SLC8A3: variants seen among roughly 807,000 people sequenced by gnomAD.
SLC8A3 encodes the protein sodium/calcium exchanger 3.
A neutral mutation model predicts 65.4 loss-of-function variants in SLC8A3; 37 were observed. The ratio of observed to expected loss-of-function variants is 0.57; its 90% confidence interval spans 0.44 to 0.74. The LOEUF is 0.74. SLC8A3 is among the 30% of genes least tolerant of loss of function. SLC8A3 has a pLI of 0.00. For synonymous variants in SLC8A3, 461 were observed against 444.5 expected, an observed-to-expected ratio of 1.04 and a Z score of -0.47; for missense variants, 1,112 against 1,172.1, an observed-to-expected ratio of 0.95 and a Z score of 0.75.
rs200374440 is a variant in SLC8A3, at chr14:70,132,965, G to C, written c.1784+33674C>G. ...TTGGCTTCTCTGCTTATCACTAACT[G>C]TTGTCTTCTGATTCTAATTTACTGC... On this transcript the variant is annotated intron_variant, in intron 2 of 6. Coordinates refer to ENST00000356921, the MANE Select transcript of SLC8A3 (RefSeq NM_182932.3). 3.8e-4 allele frequency among the ~76,000 whole-genome samples: 58 copies of C among 152,156 alleles called. No homozygotes were observed. The East Asian group carries it at 5.8e-3, about 15-fold the overall frequency.
rs144548440 is a variant in SLC8A3 at position 70,170,549 on chromosome 14, A to G, written c.-62-2065T>C. Among the ~76,000 whole-genome samples the G allele has an allele frequency of 1.9e-3, 293 of 152,358 alleles. 3 individuals carry two copies. The highest frequency in any genetic ancestry group is 6.5e-3 in the African/African-American group (272 of 41,576). ...TTGGAATGAATAAATGTAGTCACCA[A>G]TGAAGCTTCCTTGGATGACAGCCTT... On this transcript the variant is annotated intron_variant, in intron 1 of 6. Transcript: ENST00000356921.
intron 2 of SLC8A3, among the ~76,000 whole-genome samples, chr14:70,100,909 T>C (rs960354130): frequency 1.3e-4 from 20 of 152,234 alleles, no homozygotes; most frequent in African/African-American, 4.3e-4. Context: ...TCTGATAATA[T>C]TCACAATCTT....
chr14:70,142,381 G>A (rs2140275008), intron 2 of SLC8A3, among the ~76,000 whole-genome samples: 2 of 152,284 alleles, frequency 1.3e-5, no homozygotes, highest in South Asian at 4.1e-4. Flanking sequence ...AACCACTATT[G>A]AAATAGTCAT....
At chr14:70,158,571 C>T (rs1896711200) in intron 2 of SLC8A3, among the ~76,000 whole-genome samples, 1 of 150,732 alleles carries the variant, frequency 6.6e-6, no homozygotes, top group Non-Finnish European at 1.5e-5. Context: ...ATACACTCCA[C>T]AAATAACTGC....
At chr14:70,049,074 G>A in intron 5 of SLC8A3, 32 bp from the exon 6 acceptor site, 1 of 1,573,414 alleles carries the variant, frequency 6.4e-7, no homozygotes, top group South Asian at 1.2e-5. Context: ...AAGAGAACGG[G>A]TAACGAAGTC....
At chr14:70,177,874 G>C (rs1265506971) in intron 1 of SLC8A3, among the ~76,000 whole-genome samples, 1 of 152,218 alleles carries the variant, frequency 6.6e-6, no homozygotes, top group East Asian at 1.9e-4. Context: ...ATAGGTGAAT[G>C]AAAGCGGGGC....
At chr14:70,049,132 C>T in intron 5 of SLC8A3, 90 bp from the exon 6 acceptor site, 1 of 1,294,818 alleles carries the variant, frequency 7.7e-7, no homozygotes, top group Non-Finnish European at 1.1e-6. Flanking sequence ...CCACAGGCAT[C>T]ATCCGCTAGA....
intron 2 of SLC8A3, among the ~76,000 whole-genome samples, chr14:70,068,103 T>A (rs1889644768): frequency 6.6e-6 from 1 of 152,228 alleles, no homozygotes; most frequent in South Asian, 2.1e-4. Context: ...AATACATGTC[T>A]GGGCTGCCTG....
At chr14:70,099,045 C>A (rs766553395) in intron 2 of SLC8A3, among the ~76,000 whole-genome samples, 26 of 152,130 alleles carry the variant, frequency 1.7e-4, no homozygotes, top group Non-Finnish European at 3.7e-4. Flanking sequence ...TCAATGATCC[C>A]CAGTTTCATC....
intron 1 of SLC8A3, among the ~76,000 whole-genome samples, chr14:70,184,174 C>T (rs1468173783): frequency 2.0e-5 from 3 of 152,160 alleles, no homozygotes; most frequent in Admixed American, 6.5e-5. Flanking sequence ...AAGAAACCCC[C>T]GCCCTCACCT....
rs1425193863 is a variant in SLC8A3, at chr14:70,044,928, T to A, written c.*1019A>T. 6.6e-6 allele frequency: 1 copy of A among 152,248 alleles called. No homozygotes were observed. Among genetic ancestry groups the A allele is most frequent in the Non-Finnish European group, 1.5e-5 (1 of 68,048 alleles). 9.4% of individuals were successfully genotyped at this position (152,248 alleles called of 1,614,324 possible). On this transcript the variant is annotated 3_prime_UTR_variant, in exon 7 of 7. Coordinates refer to ENST00000356921, the MANE Select transcript of SLC8A3 (RefSeq NM_182932.3). ...CACTGGTTGGACATCTCTTCTCTCC[T>A]GCCTCAGGTACAAAGCCAAAGATAA... is the stretch of plus-strand genomic sequence containing the variant.
At position 70,152,120 on chromosome 14, in the gene SLC8A3, C is replaced by T. The variant is rs190104239; in HGVS notation, c.1784+14519G>A. Among the ~76,000 whole-genome samples the T allele has an allele frequency of 3.1e-3, 479 of 152,202 alleles. 2 individuals carry two copies. Among genetic ancestry groups the T allele is most frequent in the Non-Finnish European group, 4.1e-3 (279 of 68,016 alleles). ...ATTTGGGTTCCTCAAAAGGAGGACT[C>T]GAGTAAACCTGGGCTACTGGTTTCC... On this transcript the variant is annotated intron_variant, in intron 2 of 6. Transcript: ENST00000356921.
rs1424577655 is a variant in SLC8A3, at chr14:70,119,279, AC to A, written c.1784+47359del. On this transcript the variant is annotated intron_variant, in intron 2 of 6. Coordinates refer to ENST00000356921, the MANE Select transcript of SLC8A3 (RefSeq NM_182932.3). ...GTCAATCTGAGGCCTTGGTGGGAAA[AC>A]ACTCTCTTTTTACTATATGTTGATT... is the stretch of plus-strand genomic sequence containing the variant. 5.3e-5 allele frequency among the ~76,000 whole-genome samples: 8 copies of A among 152,260 alleles called. No homozygotes were observed. In the East Asian group the frequency reaches 1.2e-3, roughly 22 times the overall value.
intron 2 of SLC8A3, among the ~76,000 whole-genome samples, chr14:70,082,498 T>C (rs1891121095): frequency 6.6e-6 from 1 of 152,220 alleles, no homozygotes; most frequent in Non-Finnish European, 1.5e-5. Context: ...ATTTATTATG[T>C]AAGCCCTGCA....
intron 2 of SLC8A3, among the ~76,000 whole-genome samples, chr14:70,148,080 T>C (rs868302474): frequency 2.6e-5 from 4 of 152,308 alleles, no homozygotes; most frequent in South Asian, 4.1e-4. Flanking sequence ...AGAAAACCAT[T>C]CTATTTTTCA....
intron 2 of SLC8A3, among the ~76,000 whole-genome samples, chr14:70,074,963 T>C (rs1890347258): frequency 1.3e-5 from 2 of 152,084 alleles, no homozygotes; most frequent in Admixed American, 6.5e-5. Flanking sequence ...AGAGTCGAGT[T>C]TGAGTTCCGC....
intron 2 of SLC8A3, among the ~76,000 whole-genome samples, chr14:70,084,282 C>T (rs978846031): frequency 6.6e-6 from 1 of 152,178 alleles, no homozygotes; most frequent in Non-Finnish European, 1.5e-5. Context: ...TTCTCTATTT[C>T]ACCAACTTTC....
At chr14:70,065,835 G>C (rs8013867) in intron 2 of SLC8A3, among the ~76,000 whole-genome samples, 16,605 of 152,246 alleles carry the variant, frequency 0.11, 927 homozygotes, top group African/African-American at 0.14. Flanking sequence ...AGGGGTGGTT[G>C]AAGCTGGAAA....
chr14:70,152,330 T>A (rs1320606302), intron 2 of SLC8A3, among the ~76,000 whole-genome samples: 1 of 152,164 alleles, frequency 6.6e-6, no homozygotes, highest in East Asian at 1.9e-4. Flanking sequence ...TTCATGAGCA[T>A]CTTACCAGAG....
Sources: gnomAD v4.1 joint callset for allele counts (sites outside exome capture counted in the v4.1 genomes callset) on GRCh38, gnomAD v4.1.1 for gene constraint, MANE v1.5 for transcripts, NCBI Gene and HGNC (gene_info 2026-07-23, HGNC 2026-07-21) for gene names.